CACNA1D: variants seen among roughly 807,000 people sequenced by gnomAD.
CACNA1D encodes the protein voltage-dependent L-type calcium channel subunit alpha-1D.
CACNA1D carries 55 observed loss-of-function variants against 257.1 expected under a neutral mutation model. The ratio of observed to expected loss-of-function variants is 0.21; its 90% CI spans 0.17 to 0.27. The LOEUF is 0.27. Ranked by LOEUF, CACNA1D falls within the 10% of genes least tolerant of loss-of-function variation. CACNA1D has a pLI of 1.00. For missense variants in CACNA1D, 1,876 were observed against 2,784.0 expected (o/e 0.67, Z 7.34); for synonymous variants, 980 against 1,014.9 (o/e 0.97, Z 0.65).
intron 3 of CACNA1D, among the ~76,000 whole-genome samples, chr3:53,579,670 A>G (rs767149223): frequency 6.6e-6 from 1 of 152,210 alleles, no homozygotes; most frequent in Non-Finnish European, 1.5e-5. Flanking sequence ...GTTGCTCTGA[A>G]CTGAACTTAG....
rs554981584 is a variant in CACNA1D at position 53,650,628 on chromosome 3, G to A, written c.484-151G>A. 10 of 788,954 alleles carry A rather than the reference G, an allele frequency of 1.3e-5. No homozygotes were observed. In the African/African-American group the frequency reaches 1.6e-4, roughly 12 times the overall value. 48.9% of individuals were successfully genotyped at this position (788,954 alleles called of 1,614,324 possible). A position where few individuals can be genotyped will look rare whatever the true frequency, so the allele number is the denominator to read the frequency against. On this transcript the variant is annotated intron_variant, in intron 3 of 47. Coordinates refer to ENST00000350061, the MANE Select transcript of CACNA1D (RefSeq NM_001128840.3). ...TAAATGCCTTCCTGGCCCAGGGGCA[G>A]TGTAATTGTTCCATTTCTCATAATG...
At chr3:53,747,102 T>A (rs1163020704) in intron 25 of CACNA1D, among the ~76,000 whole-genome samples, 200 bp from the exon 26 acceptor site, 1 of 152,138 alleles carries the variant, frequency 6.6e-6, no homozygotes, top group Non-Finnish European at 1.5e-5. Context: ...AGTTATTCAA[T>A]GGTTATTTGA....
chr3:53,536,301 C>T (rs539269259), intron 3 of CACNA1D, among the ~76,000 whole-genome samples: 6 of 152,058 alleles, frequency 3.9e-5, no homozygotes, highest in East Asian at 1.9e-4. Flanking sequence ...TGGTCATTTT[C>T]GAAGCTGCAC....
chr3:53,731,889 C>T (rs2094996569), intron 17 of CACNA1D, 127 bp from the exon 18 acceptor site: 1 of 737,474 alleles, frequency 1.4e-6, no homozygotes, highest in East Asian at 2.6e-5. Flanking sequence ...TGTCCCTGCA[C>T]ACTCAAATAC....
intron 3 of CACNA1D, among the ~76,000 whole-genome samples, chr3:53,518,601 G>C (rs1354842143): frequency 6.6e-6 from 1 of 152,154 alleles, no homozygotes; most frequent in Non-Finnish European, 1.5e-5. Flanking sequence ...CAAAGATGTT[G>C]CAACACTTGT....
rs1201998997 is a variant in CACNA1D, at chr3:53,811,149, G to A, written c.6229G>A (p.Asp2077Asn). The A allele has an allele frequency of 6.2e-7, 1 of 1,613,934 alleles. No homozygotes were observed. The highest frequency in any genetic ancestry group is 1.3e-5 in the African/African-American group (1 of 74,884). Residue 2077 changes from aspartate (D) to asparagine (N), a missense_variant, in exon 48 of 48, where the codon GAC (aspartate) becomes AAC (asparagine). This residue lies in a region of CACNA1D where 491 missense variants were observed against 554.3 expected (regional missense o/e 0.89). Transcript: ENST00000350061. The surrounding 1 kb of genome is among the most constrained non-coding windows in gnomAD (Gnocchi z 4.2). ...ISEGLGRYAR[D>N]PKFVSATKHE... is the part of the protein sequence containing the mutation. ...CGAAGGCTTGGGACGCTATGCAAGG[G>A]ACCCAAAATTTGTGTCAGCAACAAA... is the stretch of plus-strand genomic sequence containing the variant.
intron 21 of CACNA1D, 61 bp from the exon 22 acceptor site, chr3:53,742,950 G>T (rs1576527309): frequency 9.6e-7 from 1 of 1,046,206 alleles, no homozygotes. Flanking sequence ...TTTGCAAAGA[G>T]CCCAGGTTTC....
At chr3:53,717,131 A>G (rs1408783422) in intron 9 of CACNA1D, among the ~76,000 whole-genome samples, 1 of 152,270 alleles carries the variant, frequency 6.6e-6, no homozygotes, top group Non-Finnish European at 1.5e-5. Context: ...AGACATCGTA[A>G]GGTCTGTAAA....
chr3:53,628,032 TAAATA>T (rs1350178521), intron 3 of CACNA1D, among the ~76,000 whole-genome samples: 3 of 151,746 alleles, frequency 2.0e-5, no homozygotes, highest in South Asian at 2.1e-4. Context: ...AAAAAATAAA[TAAATA>T]AAATAAAATA....
intron 3 of CACNA1D, among the ~76,000 whole-genome samples, chr3:53,506,690 A>G (rs912379865): frequency 6.6e-6 from 1 of 152,230 alleles, no homozygotes; most frequent in Non-Finnish European, 1.5e-5. Context: ...CTTTTTGTCC[A>G]TTAGTAATGA....
rs181517636 is a variant in CACNA1D, at chr3:53,740,193, C to G, written c.2752-87C>G. On this transcript the variant is annotated intron_variant, in intron 20 of 47. Transcript: ENST00000350061. Reference sequence around the variant, plus strand: ...TTTTCCTGGAGGGATGGGTCTCTGACTGGATCGGGGGTTTCTGCCTGTAAG... The same window carrying G: ...TTTTCCTGGAGGGATGGGTCTCTGAGTGGATCGGGGGTTTCTGCCTGTAAG... 4.1e-6 allele frequency: 4 copies of G among 966,430 alleles called. No individual in the cohort carries two copies. In the African/African-American group the frequency reaches 4.8e-5, roughly 12 times the overall value. 59.9% of individuals were successfully genotyped at this position (966,430 alleles called of 1,614,324 possible). A position where few individuals can be genotyped will look rare whatever the true frequency, so the allele number is the denominator to read the frequency against.
chr3:53,499,556 C>T (rs1372251411), intron 2 of CACNA1D, among the ~76,000 whole-genome samples: 1 of 152,088 alleles, frequency 6.6e-6, no homozygotes, highest in Non-Finnish European at 1.5e-5. Flanking sequence ...TTGCTCTGTT[C>T]TGCTTCACTT....
chr3:53,610,991 A>G (rs1404342598), intron 3 of CACNA1D, among the ~76,000 whole-genome samples: 1 of 152,138 alleles, frequency 6.6e-6, no homozygotes, highest in Non-Finnish European at 1.5e-5. Context: ...CTCATTTGGG[A>G]AGATATTTTC....
rs1414029560 is a variant in CACNA1D at position 53,776,941 on chromosome 3, C to A, written c.4572C>A (p.His1524Gln). The change falls in exon 37 of 48, where the codon CAC (histidine) becomes CAA (glutamine). Residue 1524 changes from histidine to glutamine, a missense_variant. Physicochemically the swap from His to Gln is conservative, Grantham distance 24. Coordinates refer to ENST00000350061, the MANE Select transcript of CACNA1D (RefSeq NM_001128840.3). ...PPLGFGKLCP[H>Q]RVACKRLVAM... is the part of the protein sequence containing the mutation. ...TGGGGTTTGGGAAGTTATGTCCACA[C>A]AGGGTAGCGTGCAAGGTGAGTGTCC... is the stretch of plus-strand genomic sequence containing the variant. 6.2e-7 allele frequency: 1 copy of A among 1,613,562 alleles called. No individual in the cohort carries two copies. Among genetic ancestry groups the A allele is most frequent in the Non-Finnish European group, 8.5e-7 (1 of 1,179,474 alleles).
intron 2 of CACNA1D, among the ~76,000 whole-genome samples, chr3:53,500,059 A>T (rs1300387690): frequency 6.6e-6 from 1 of 152,034 alleles, no homozygotes; most frequent in Non-Finnish European, 1.5e-5. Context: ...TCGTTGAGTT[A>T]TGAAAGCTCT....
At chr3:53,786,999 C>T in intron 40 of CACNA1D, 47 bp downstream of exon 40, 1 of 1,604,440 alleles carries the variant, frequency 6.2e-7, no homozygotes, top group Non-Finnish European at 8.5e-7. Flanking sequence ...AACGATTTTA[C>T]AAGCTTATTT....
At chr3:53,514,280 C>A (rs1278215402) in intron 3 of CACNA1D, among the ~76,000 whole-genome samples, 1 of 151,852 alleles carries the variant, frequency 6.6e-6, no homozygotes, top group African/African-American at 2.4e-5. Context: ...GGAGTCCAGG[C>A]TCACAGGCTG....
chr3:53,569,929 A>C (rs146269941), intron 3 of CACNA1D, among the ~76,000 whole-genome samples: 36 of 152,336 alleles, frequency 2.4e-4, no homozygotes, highest in African/African-American at 8.4e-4. Flanking sequence ...TACATGCTGA[A>C]TATATGAAAT....
chr3:53,615,273 T>C (rs749558632), intron 3 of CACNA1D, among the ~76,000 whole-genome samples: 1 of 152,224 alleles, frequency 6.6e-6, no homozygotes, highest in Non-Finnish European at 1.5e-5. Context: ...TTGGTTGCTG[T>C]AATTCTCTAT....
Sources: allele counts gnomAD v4.1 joint callset (sites outside exome capture counted in the v4.1 genomes callset), GRCh38; gene constraint gnomAD v4.1.1; regional missense constraint gnomAD v4.1.1; non-coding constraint Gnocchi (gnomAD v3.1); transcripts MANE v1.5; gene names NCBI Gene and HGNC (gene_info 2026-07-23, HGNC 2026-07-21).